TGM2: variants seen among roughly 807,000 people sequenced by gnomAD.
TGM2 encodes the protein transglutaminase 2.
TGM2 carries 53 observed loss-of-function variants against 75.6 expected under a neutral mutation model. The ratio of observed to expected loss-of-function variants is 0.70; its 90% CI spans 0.56 to 0.88. TGM2 has a LOEUF of 0.88. Among genes scored for constraint, TGM2 ranks in the 40% least tolerant of loss-of-function variants. The probability of loss-of-function intolerance (pLI) is 0.00; values close to 1 mark genes in which losing one functional copy is unlikely to be tolerated. For missense variants in TGM2, 842 were observed against 928.5 expected, an observed-to-expected ratio of 0.91 and a Z score of 1.21; for synonymous variants, 374 against 381.1, an observed-to-expected ratio of 0.98 and a Z score of 0.22.
intron 3 of TGM2, among the ~76,000 whole-genome samples, chr20:38,151,777 C>T (rs930183780): frequency 6.6e-6 from 1 of 152,102 alleles, no homozygotes; most frequent in African/African-American, 2.4e-5. Flanking sequence ...AGAGTTGGAA[C>T]CTGGAGGGTA....
chr20:38,130,414 G>T, intron 12 of TGM2, 45 bp from the exon 13 acceptor site: 2 of 1,549,536 alleles, frequency 1.3e-6, no homozygotes, highest in Non-Finnish European at 1.7e-6. Flanking sequence ...CCAAGGCCTG[G>T]CTCCCGCATG....
At chr20:38,136,381 A>G (rs2074900832) in intron 10 of TGM2, among the ~76,000 whole-genome samples, 1 of 152,174 alleles carries the variant, frequency 6.6e-6, no homozygotes, top group Non-Finnish European at 1.5e-5. Context: ...GTCCGGGGAA[A>G]ACAGACGGGG....
rs957812108 is a variant in TGM2, at chr20:38,165,210, G to A, written c.-12C>T. 6.2e-7 allele frequency: 1 copy of A among 1,613,370 alleles called. No individual in the cohort carries two copies. Among genetic ancestry groups the A allele is most frequent in the Admixed American group, 1.7e-5 (1 of 60,016 alleles). On this transcript the variant is annotated 5_prime_UTR_variant, in exon 1 of 13. Coordinates refer to ENST00000361475, the MANE Select transcript of TGM2 (RefSeq NM_004613.4). ...TCACCCTCGGCCATGGTCGGGCGGG[G>A]GCGGTGGCTCCTTCCACTGGCGGCG...
Position 38,131,186 on chromosome 20 carries a change from A to G in TGM2, c.1820T>C (p.Val607Ala). The G allele has an allele frequency of 3.7e-6, 6 of 1,613,758 alleles. No individual in the cohort carries two copies. The highest frequency in any genetic ancestry group is 5.1e-6 in the Non-Finnish European group (6 of 1,179,988). ...CACAGGGAGCGGGTTCTGCAGGGAC[A>G]CCTCAGCCACCAGCTTGCGTTTCTG... ...PKQKRKLVAE[V>A]SLQNPLPVAL... The change falls in exon 12 of 13, where the codon GTG (valine) becomes GCG (alanine). Residue 607 changes from valine to alanine, a missense_variant. By Grantham distance (64) the Val-to-Ala change is moderately conservative. Transcript: ENST00000361475.
intron 10 of TGM2, among the ~76,000 whole-genome samples, chr20:38,135,616 G>T (rs1470524829): frequency 1.3e-5 from 2 of 152,028 alleles, no homozygotes; most frequent in Non-Finnish European, 2.9e-5. Context: ...ACCCCCACAC[G>T]CCTGTAGAGA....
Position 38,130,261 on chromosome 20 carries a change from C to T in TGM2, c.2022G>A (p.Lys674=). The change falls in exon 13 of 13, where the codon AAG becomes AAA. Residue 674 remains lysine, a synonymous_variant. Coordinates refer to ENST00000361475, the MANE Select transcript of TGM2 (RefSeq NM_004613.4). The stretch of plus-strand genomic sequence containing the variant: ...TGACATTCCGGAAGCCCTTCACAGC[C>T]TTCAGCTTGTCGCTCTCGAAGTTCA... ...LVVNFESDKL[K]AVKGFRNVII... 1.2e-6 allele frequency: 2 copies of T among 1,613,408 alleles called. No homozygotes were observed. Among genetic ancestry groups the T allele is most frequent in the Non-Finnish European group, 1.7e-6 (2 of 1,179,900 alleles).
chr20:38,140,147 C>T (rs1271666021), intron 8 of TGM2, among the ~76,000 whole-genome samples: 1 of 152,258 alleles, frequency 6.6e-6, no homozygotes, highest in Non-Finnish European at 1.5e-5. Flanking sequence ...CCGCATGGGG[C>T]CAGCCCCAGG....
At chr20:38,154,335 T>A (rs1029144484) in intron 3 of TGM2, among the ~76,000 whole-genome samples, 1 of 152,224 alleles carries the variant, frequency 6.6e-6, no homozygotes. Flanking sequence ...TCTGCCCTTT[T>A]GAAGAGGGAC....
chr20:38,143,858 C>T (rs887435153), intron 6 of TGM2, among the ~76,000 whole-genome samples: 75 of 152,274 alleles, frequency 4.9e-4, no homozygotes, highest in African/African-American at 1.7e-3. Context: ...CCTGGGGCCA[C>T]CATCGATAGG....
upstream of TGM2, chr20:38,165,395 T>A: frequency 1.4e-6 from 1 of 735,778 alleles, no homozygotes; most frequent in Non-Finnish European, 2.2e-6. Context: ...CCGCCAGCGC[T>A]GGGGCTCACC....
At chr20:38,153,547 G>GAAAAGAAAAAAAAA (rs2075143673) in intron 3 of TGM2, among the ~76,000 whole-genome samples, 1 of 90,040 alleles carries the variant, frequency 1.1e-5, no homozygotes, top group Admixed American at 1.4e-4. Flanking sequence ...AAAAAAAAAA[G>GAAAAGAAAAAAAAA]AATGAATGAG....
At chr20:38,131,297 C>T in intron 11 of TGM2, 68 bp from the exon 12 acceptor site, 2 of 1,604,884 alleles carry the variant, frequency 1.2e-6, no homozygotes, top group South Asian at 2.2e-5. Flanking sequence ...GCATTCACTG[C>T]AATTTGGCCC....
intron 3 of TGM2, among the ~76,000 whole-genome samples, chr20:38,153,530 A>C (rs978286321): frequency 2.0e-5 from 3 of 151,000 alleles, no homozygotes; most frequent in Non-Finnish European, 2.9e-5. Context: ...GTCTCAAAAA[A>C]AAGAAAAAAA....
intron 6 of TGM2, among the ~76,000 whole-genome samples, chr20:38,144,083 C>T (rs952142867): frequency 1.3e-5 from 2 of 152,164 alleles, no homozygotes; most frequent in African/African-American, 2.4e-5. Flanking sequence ...GAGGACAGAC[C>T]GGAGGACGGG....
intron 10 of TGM2, among the ~76,000 whole-genome samples, chr20:38,134,841 T>G (rs1298870868): frequency 6.6e-6 from 1 of 152,190 alleles, no homozygotes; most frequent in Non-Finnish European, 1.5e-5. Flanking sequence ...TCCCCAGATC[T>G]TATCATCAAA....
chr20:38,165,445 A>G (rs1291814410), upstream of TGM2: 3 of 579,826 alleles, frequency 5.2e-6, no homozygotes, highest in Non-Finnish European at 9.0e-6. Flanking sequence ...CGGCCGGACG[A>G]GGGCGCCCCC....
At chr20:38,152,846 C>G (rs1056593740) in intron 3 of TGM2, among the ~76,000 whole-genome samples, 10 of 152,362 alleles carry the variant, frequency 6.6e-5, no homozygotes, top group African/African-American at 2.4e-4. Flanking sequence ...GCCACTCCAA[C>G]CCGCCGCCGG....
At chr20:38,131,428 A>G (rs1680028025) in intron 11 of TGM2, among the ~76,000 whole-genome samples, 199 bp from the exon 12 acceptor site, 1 of 143,940 alleles carries the variant, frequency 6.9e-6, no homozygotes, top group Admixed American at 7.2e-5. Flanking sequence ...GGTCTCCTGC[A>G]TGGAGCTGCA....
intron 10 of TGM2, among the ~76,000 whole-genome samples, chr20:38,137,342 G>A (rs1434102062): frequency 6.6e-6 from 1 of 152,120 alleles, no homozygotes; most frequent in Non-Finnish European, 1.5e-5. Flanking sequence ...AAAATTAGCT[G>A]GGCATGGTGG....
Sources: allele counts gnomAD v4.1 joint callset (sites outside exome capture counted in the v4.1 genomes callset), GRCh38; gene constraint gnomAD v4.1.1; transcripts MANE v1.5; gene names NCBI Gene and HGNC (gene_info 2026-07-23, HGNC 2026-07-21).